CLEC9A: variants seen among roughly 807,000 people sequenced by gnomAD.
The protein encoded by CLEC9A is C-type lectin domain containing 9A.
Under a neutral mutation model 30.0 loss-of-function variants are expected in CLEC9A, and 24 were observed. That is an observed-to-expected ratio of 0.80 (90% CI 0.58 to 1.13). The LOEUF (loss-of-function observed/expected upper bound fraction) is 1.13, where lower values mean the gene tolerates loss of function less well. Ranked by LOEUF, CLEC9A falls within the 50% of genes most tolerant of loss-of-function variation. The pLI is 0.00. For missense variants in CLEC9A, 251 were observed against 280.9 expected, an observed-to-expected ratio of 0.89 and a Z score of 0.76; for synonymous variants, 111 against 96.8, an observed-to-expected ratio of 1.15 and a Z score of -0.86.
At chr12:10,062,940 A>G in intron 6 of CLEC9A, 115 bp from the exon 7 acceptor site, 1 of 778,772 alleles carries the variant, frequency 1.3e-6, no homozygotes, top group Non-Finnish European at 1.9e-6. Flanking sequence ...CATCATGTGG[A>G]CCATTACGTT....
chr12:10,039,650 T>C (rs1865774041), intron 1 of CLEC9A, among the ~76,000 whole-genome samples: 1 of 152,198 alleles, frequency 6.6e-6, no homozygotes, highest in African/African-American at 2.4e-5. Flanking sequence ...TACTAAAATA[T>C]TGTGCTTTTT....
At chr12:10,036,475 G>A (rs533296805) in intron 1 of CLEC9A, among the ~76,000 whole-genome samples, 2 of 152,170 alleles carry the variant, frequency 1.3e-5, no homozygotes, top group Non-Finnish European at 2.9e-5. Context: ...CTTAAAGGTG[G>A]TAAGAAGTCT....
rs1865754323 is a variant in CLEC9A at position 10,037,576 on chromosome 12, C to T, written c.-317-3890C>T. Among the ~76,000 whole-genome samples, 4 of 152,130 alleles carry T rather than the reference C, an allele frequency of 2.6e-5. No individual in the cohort carries two copies. The South Asian group carries it at 8.3e-4, about 31-fold the overall frequency. Reference sequence around the variant, plus strand: ...CTGGGACCATGTAGACACGCCAATTCACCTAACGTTCACATTTTGGGACAT... The same window carrying T: ...CTGGGACCATGTAGACACGCCAATTTACCTAACGTTCACATTTTGGGACAT... On this transcript the variant is annotated intron_variant, in intron 1 of 8. Transcript: ENST00000355819.
At chr12:10,046,671 G>A (rs941998222) in intron 2 of CLEC9A, among the ~76,000 whole-genome samples, 28 of 152,288 alleles carry the variant, frequency 1.8e-4, no homozygotes, top group Non-Finnish European at 8.8e-5. Context: ...TGATTCTCAA[G>A]CGTCTCAACT....
chr12:10,057,010 G>A (rs929634308), intron 5 of CLEC9A, among the ~76,000 whole-genome samples: 2 of 151,832 alleles, frequency 1.3e-5, no homozygotes, highest in African/African-American at 4.8e-5. Flanking sequence ...TATTGTTGTT[G>A]TTTTTAAATT....
intron 7 of CLEC9A, among the ~76,000 whole-genome samples, chr12:10,064,451 C>CT (rs1161236416): frequency 1.3e-5 from 2 of 152,094 alleles, no homozygotes; most frequent in African/African-American, 2.4e-5. Flanking sequence ...ATAACACTTT[C>CT]TTTTTTTGAC....
At chr12:10,039,612 C>T (rs1865773724) in intron 1 of CLEC9A, among the ~76,000 whole-genome samples, 1 of 152,130 alleles carries the variant, frequency 6.6e-6, no homozygotes, top group African/African-American at 2.4e-5. Flanking sequence ...ATTCTCTCTA[C>T]CTAAAATTTG....
intron 1 of CLEC9A, 38 bp from the exon 2 acceptor site, chr12:10,041,428 A>G (rs1865796784): frequency 2.8e-6 from 1 of 356,262 alleles, no homozygotes; most frequent in Non-Finnish European, 5.5e-6. Flanking sequence ...ATTCCAATTT[A>G]AAAACAACAA....
chr12:10,034,472 T>G (rs369435745), intron 1 of CLEC9A, among the ~76,000 whole-genome samples: 36 of 152,232 alleles, frequency 2.4e-4, no homozygotes, highest in African/African-American at 6.8e-4. Flanking sequence ...TGTAAAATTA[T>G]GTTGATCTTT....
intron 1 of CLEC9A, among the ~76,000 whole-genome samples, chr12:10,039,433 T>C (rs1181250785): frequency 6.6e-6 from 1 of 152,260 alleles, no homozygotes; most frequent in African/African-American, 2.4e-5. Context: ...AAAGTATTTT[T>C]AAGAATTTAC....
chr12:10,044,904 A>G (rs1461692431), intron 2 of CLEC9A, among the ~76,000 whole-genome samples: 1 of 152,254 alleles, frequency 6.6e-6, no homozygotes, highest in Non-Finnish European at 1.5e-5. Flanking sequence ...CAAATAAACT[A>G]ATAAATATAT....
intron 3 of CLEC9A, 71 bp from the exon 4 acceptor site, chr12:10,052,555 CACAA>C (rs1565591761): frequency 4.9e-6 from 7 of 1,429,412 alleles, no homozygotes; most frequent in Middle Eastern, 1.9e-4. Context: ...ACTCCTTAAA[CACAA>C]ACATATTTTC....
At chr12:10,062,734 C>T (rs1866008357) in intron 6 of CLEC9A, among the ~76,000 whole-genome samples, 1 of 151,820 alleles carries the variant, frequency 6.6e-6, no homozygotes, top group Non-Finnish European at 1.5e-5. Flanking sequence ...CAAGTGAAGA[C>T]AATAAATGAT....
chr12:10,043,698 A>G (rs1865819189), intron 2 of CLEC9A, among the ~76,000 whole-genome samples: 1 of 151,750 alleles, frequency 6.6e-6, no homozygotes, highest in African/African-American at 2.4e-5. Flanking sequence ...ATAGACAGAG[A>G]GAGAGATGGA....
At chr12:10,043,251 G>T in intron 2 of CLEC9A, 1 of 338,724 alleles carries the variant, frequency 3.0e-6, no homozygotes, top group Non-Finnish European at 5.8e-6. Context: ...AATTCATTGG[G>T]TCAGATTATC....
intron 2 of CLEC9A, among the ~76,000 whole-genome samples, chr12:10,047,712 A>G (rs1865858236): frequency 6.6e-6 from 1 of 152,226 alleles, no homozygotes; most frequent in African/African-American, 2.4e-5. Context: ...ATTTGCCCTA[A>G]ACTGTCGCCT....
At chr12:10,052,486 T>TTC in intron 3 of CLEC9A, 144 bp from the exon 4 acceptor site, 1 of 1,251,556 alleles carries the variant, frequency 8.0e-7, no homozygotes, top group Non-Finnish European at 1.0e-6. Flanking sequence ...TTTCACCAAG[T>TTC]TGTGTTTTGG....
chr12:10,057,689 A>G (rs1242509546), intron 5 of CLEC9A, among the ~76,000 whole-genome samples: 1 of 152,018 alleles, frequency 6.6e-6, no homozygotes, highest in African/African-American at 2.4e-5. Flanking sequence ...ATACTTTTCT[A>G]TATACATACA....
At position 10,052,715 on chromosome 12, in the gene CLEC9A, C is replaced by A. The variant is rs769588096; in HGVS notation, c.28C>A (p.Leu10Ile). 1 of 1,614,014 alleles carries A rather than the reference C, an allele frequency of 6.2e-7. No homozygotes were observed. Among genetic ancestry groups the A allele is most frequent in the Non-Finnish European group, 8.5e-7 (1 of 1,179,906 alleles). Residue 10 changes from leucine to isoleucine, a missense_variant, in exon 4 of 9, where the codon CTT (leucine) becomes ATT (isoleucine). Leu to Ile is a conservative substitution (Grantham distance 5). Transcript: ENST00000355819. The part of the protein sequence containing the change: MHEEEIYTS[L>I]QWDSPAPDTY... ...GCACGAGGAAGAAATATACACCTCT[C>A]TTCAGTGGGATAGCCCAGCACCAGA...
Sources: gnomAD v4.1 joint callset for allele counts (sites outside exome capture counted in the v4.1 genomes callset) on GRCh38, gnomAD v4.1.1 for gene constraint, MANE v1.5 for transcripts, NCBI Gene and HGNC (gene_info 2026-07-23, HGNC 2026-07-21) for gene names.